PRDM16: variants seen among roughly 807,000 people sequenced by gnomAD.
PRDM16 encodes the protein histone-lysine N-methyltransferase PRDM16.
PRDM16 carries 23 observed loss-of-function variants against 110.6 expected under a neutral mutation model. The ratio of observed to expected loss-of-function variants is 0.21; its 90% CI spans 0.15 to 0.29. The LOEUF is 0.29. Ranked by LOEUF, PRDM16 falls within the 10% of genes least tolerant of loss-of-function variation. The pLI, the probability that PRDM16 is intolerant of heterozygous loss-of-function variation, is 1.00. For synonymous variants in PRDM16, 799 were observed against 781.8 expected (o/e 1.02, Z -0.37); for missense variants, 1,615 against 1,794.3 (o/e 0.90, Z 1.81).
chr1:3,169,171 G>A (rs946802539), intron 1 of PRDM16, among the ~76,000 whole-genome samples: 1 of 152,172 alleles, frequency 6.6e-6, no homozygotes, highest in South Asian at 2.1e-4. Flanking sequence ...GATGCTAAAT[G>A]GGCCCATGGA....
Position 3,246,081 on chromosome 1 carries a change from G to A in PRDM16, c.438+1944G>A, listed in dbSNP as rs1019314595. On this transcript the variant is annotated intron_variant, in intron 3 of 16. Transcript: ENST00000270722. This position sits in a 1 kb window ranked among gnomAD's most constrained non-coding sequence, Gnocchi z 5.2. ...AAGTCTAGATTTAAAGGGCCCGGGG[G>A]AGGCAAGTGCTGGCTGCTTCTGAAC... is the stretch of plus-strand genomic sequence containing the variant. Among the ~76,000 whole-genome samples the A allele has an allele frequency of 6.6e-6, 1 of 152,168 alleles. No homozygotes were observed. The highest frequency in any genetic ancestry group is 1.5e-5 in the Non-Finnish European group (1 of 68,034).
At chr1:3,094,711 G>C (rs1316822207) in intron 1 of PRDM16, among the ~76,000 whole-genome samples, 1 of 152,216 alleles carries the variant, frequency 6.6e-6, no homozygotes, top group African/African-American at 2.4e-5. Flanking sequence ...TGTGAGCACC[G>C]GCCCAGCAAG....
At chr1:3,429,470 T>C (rs1469250334) in intron 14 of PRDM16, among the ~76,000 whole-genome samples, 3 of 152,208 alleles carry the variant, frequency 2.0e-5, no homozygotes, top group Non-Finnish European at 4.4e-5. Context: ...TCACAGCACA[T>C]GCCCATGTGA....
intron 2 of PRDM16, among the ~76,000 whole-genome samples, chr1:3,196,912 G>A (rs773857683): frequency 5.6e-4 from 86 of 152,316 alleles, no homozygotes; most frequent in Non-Finnish European, 9.7e-4. Flanking sequence ...GGAAGGAGCA[G>A]AAGCTGGAGC....
rs757463466 is a variant in PRDM16 at position 3,411,548 on chromosome 1, T to C, written c.1351T>C (p.Tyr451His). 3.7e-6 allele frequency: 6 copies of C among 1,613,972 alleles called. No homozygotes were observed. In the African/African-American group the frequency reaches 8.0e-5, roughly 22 times the overall value. ...HRRFCEGKNH[Y>H]TPGGIFAPGL... ...GCGCTTCTGCGAGGGCAAGAACCATTACACGCCGGGCGGCATCTTTGCCCC... is the reference window on the plus strand; with the variant it reads ...GCGCTTCTGCGAGGGCAAGAACCATCACACGCCGGGCGGCATCTTTGCCCC... Residue 451 changes from tyrosine to histidine, a missense_variant, in exon 9 of 17, where the codon TAC (tyrosine) becomes CAC (histidine). Physicochemically the swap from Tyr to His is moderately conservative, Grantham distance 83. Coordinates refer to ENST00000270722, the MANE Select transcript of PRDM16 (RefSeq NM_022114.4).
chr1:3,317,325 T>A lies in PRDM16; in HGVS notation c.439-67827T>A, dbSNP rs115326144. On this transcript the variant is annotated intron_variant, in intron 3 of 16. Transcript: ENST00000270722. Reference sequence around the variant, plus strand: ...AGGGAGGAGATGAGGGCAAGGACATTCCCAGCTGGGCCCTCACCGAGGCTG... The same window carrying A: ...AGGGAGGAGATGAGGGCAAGGACATACCCAGCTGGGCCCTCACCGAGGCTG... Among the ~76,000 whole-genome samples, 620 of 152,266 alleles carry A rather than the reference T, an allele frequency of 4.1e-3. 9 individuals are homozygous for A. Among genetic ancestry groups the A allele is most frequent in the African/African-American group, 0.014 (591 of 41,550 alleles).
At chr1:3,142,495 G>C (rs546615040) in intron 1 of PRDM16, among the ~76,000 whole-genome samples, 5 of 151,924 alleles carry the variant, frequency 3.3e-5, no homozygotes, top group Admixed American at 6.5e-5. Context: ...CTCGGGGCAG[G>C]CGCCGTCGAA....
chr1:3,310,296 C>T (rs1641418452), intron 3 of PRDM16, among the ~76,000 whole-genome samples: 2 of 152,190 alleles, frequency 1.3e-5, no homozygotes, highest in South Asian at 2.1e-4. Context: ...AGTGTGCACA[C>T]ACCTTTCCCC....
At chr1:3,405,026 C>T (rs947461109) in intron 7 of PRDM16, 140 bp downstream of exon 7, 9 of 847,590 alleles carry the variant, frequency 1.1e-5, no homozygotes, top group Admixed American at 2.9e-5. Flanking sequence ...TGCGGTGGCT[C>T]GGGCCCTTCC....
At chr1:3,180,981 C>T (rs934649869) in intron 1 of PRDM16, among the ~76,000 whole-genome samples, 16 of 147,244 alleles carry the variant, frequency 1.1e-4, no homozygotes, top group Admixed American at 2.7e-4. Flanking sequence ...GTCTTACACA[C>T]GCAGTCTTAC....
intron 2 of PRDM16, among the ~76,000 whole-genome samples, chr1:3,199,610 A>G (rs1557523571): frequency 6.6e-6 from 1 of 152,078 alleles, no homozygotes; most frequent in Non-Finnish European, 1.5e-5. Flanking sequence ...CTAGGTTTGC[A>G]CTGGAGCTGC....
rs1000505063 is a variant in PRDM16, at chr1:3,201,068, A to G, written c.387+14594A>G. ...TTAGCCGGAGTGGGGACTCCGGGGA[A>G]GGCCAGCTGCCCAAATGACTGAAGT... is the stretch of plus-strand genomic sequence containing the variant. On this transcript the variant is annotated intron_variant, in intron 2 of 16. Transcript: ENST00000270722. This position sits in a 1 kb window ranked among gnomAD's most constrained non-coding sequence, Gnocchi z 4.1. 3.9e-5 allele frequency among the ~76,000 whole-genome samples: 6 copies of G among 152,132 alleles called. No individual in the cohort carries two copies. Among genetic ancestry groups the G allele is most frequent in the African/African-American group, 1.4e-4 (6 of 41,438 alleles).
At chr1:3,140,633 G>A (rs1643530933) in intron 1 of PRDM16, among the ~76,000 whole-genome samples, 1 of 152,236 alleles carries the variant, frequency 6.6e-6, no homozygotes, top group African/African-American at 2.4e-5. Context: ...TCAGAGCTGA[G>A]CTCAGGGCTG....
rs565380184 is a variant in PRDM16, at chr1:3,127,492, C to G, written c.37+58196C>G. On this transcript the variant is annotated intron_variant, in intron 1 of 16. Coordinates refer to ENST00000270722, the MANE Select transcript of PRDM16 (RefSeq NM_022114.4). ...TCTGGAGAGAAAGCAAACCAGTTAC[C>G]AGCGAGCCACAGCCTAGCTTCCCCG... 1.2e-4 allele frequency among the ~76,000 whole-genome samples: 18 copies of G among 152,308 alleles called. 1 individual carries two copies. Among genetic ancestry groups the G allele is most frequent in the Non-Finnish European group, 2.5e-4 (17 of 68,026 alleles).
chr1:3,340,456 C>T (rs549354825), intron 3 of PRDM16, among the ~76,000 whole-genome samples: 1 of 152,232 alleles, frequency 6.6e-6, no homozygotes, highest in Non-Finnish European at 1.5e-5. Flanking sequence ...GAGCCAGCGC[C>T]ATGGATCAGT....
intron 1 of PRDM16, among the ~76,000 whole-genome samples, chr1:3,118,118 T>C (rs1302236827): frequency 2.0e-5 from 3 of 150,770 alleles, no homozygotes; most frequent in Admixed American, 6.6e-5. Context: ...TGTGTGCGTG[T>C]GCGTGTGTGC....
chr1:3,337,679 C>A (rs574229681), intron 3 of PRDM16, among the ~76,000 whole-genome samples: 14 of 152,338 alleles, frequency 9.2e-5, no homozygotes, highest in Non-Finnish European at 1.8e-4. Context: ...CTGCCCCAGG[C>A]TGGCTGGCTT....
chr1:3,297,796 G>C (rs1476796874), intron 3 of PRDM16, among the ~76,000 whole-genome samples: 1 of 152,174 alleles, frequency 6.6e-6, no homozygotes, highest in African/African-American at 2.4e-5. Context: ...GGCAGGAAGG[G>C]ACCAAGAGAA....
Position 3,412,153 on chromosome 1 carries a change from C to T in PRDM16, c.1956C>T (p.Gly652=). 2 of 1,562,256 alleles carry T rather than the reference C, an allele frequency of 1.3e-6. No homozygotes were observed. The highest frequency in any genetic ancestry group is 1.7e-6 in the Non-Finnish European group (2 of 1,154,826). The part of the protein sequence containing the change: ...SAEGQPKFGG[G]LAPPGAPNSV... Reference sequence around the variant, plus strand: ...AGGGCCAGCCCAAGTTTGGGGGCGGCTTGGCGCCCCCGGGGGCCCCGAACA... The same window carrying T: ...AGGGCCAGCCCAAGTTTGGGGGCGGTTTGGCGCCCCCGGGGGCCCCGAACA... The change falls in exon 9 of 17, where the codon GGC becomes GGT. Residue 652 remains glycine, a synonymous_variant. Coordinates refer to ENST00000270722, the MANE Select transcript of PRDM16 (RefSeq NM_022114.4).
Sources: allele counts gnomAD v4.1 joint callset (sites outside exome capture counted in the v4.1 genomes callset), GRCh38; gene constraint gnomAD v4.1.1; non-coding constraint Gnocchi (gnomAD v3.1); transcripts MANE v1.5; gene names NCBI Gene and HGNC (gene_info 2026-07-23, HGNC 2026-07-21).